Variants in GPSM2 observed in about 807,000 individuals in gnomAD.
The protein encoded by GPSM2 is G protein signaling modulator 2.
A neutral mutation model predicts 78.4 loss-of-function variants in GPSM2; 58 were observed. That is an observed-to-expected ratio of 0.74 (90% confidence interval 0.60 to 0.92). The LOEUF is 0.92. Ranked by LOEUF, GPSM2 falls within the 40% of genes least tolerant of loss-of-function variation. The pLI, the probability that GPSM2 is intolerant of heterozygous loss-of-function variation, is 0.00. For missense variants in GPSM2, 700 were observed against 815.5 expected, an observed-to-expected ratio of 0.86 and a Z score of 1.73; for synonymous variants, 224 against 280.2, an observed-to-expected ratio of 0.80 and a Z score of 2.00.
chr1:108,919,554 A>G (rs1003152840), intron 12 of GPSM2, among the ~76,000 whole-genome samples: 1 of 152,168 alleles, frequency 6.6e-6, no homozygotes, highest in African/African-American at 2.4e-5. Flanking sequence ...CCTGGGCAAC[A>G]TGGTGAAACT....
chr1:108,904,055 C>A, intron 9 of GPSM2, 70 bp from the exon 10 acceptor site: 2 of 1,059,434 alleles, frequency 1.9e-6, no homozygotes, highest in Non-Finnish European at 2.9e-6. Context: ...AGGTTCACTA[C>A]ATTTACAAAT....
chr1:108,896,777 C>A, intron 2 of GPSM2, 87 bp from the exon 3 acceptor site: 1 of 1,013,288 alleles, frequency 9.9e-7, no homozygotes, highest in Non-Finnish European at 1.6e-6. Flanking sequence ...ACAAGAGTAG[C>A]CGCTTAAATT....
chr1:108,889,728 T>A (rs888363719), intron 2 of GPSM2, among the ~76,000 whole-genome samples: 2 of 152,188 alleles, frequency 1.3e-5, no homozygotes, highest in Non-Finnish European at 2.9e-5. Flanking sequence ...ATTCTTCACC[T>A]CTTGGAACCC....
Position 108,924,057 on chromosome 1 carries a change from G to C in GPSM2, c.1658G>C (p.Ser553Thr). Residue 553 changes from serine to threonine, a missense_variant, in exon 14 of 15, where the codon AGC (serine) becomes ACC (threonine). By Grantham distance (58) the Ser-to-Thr change is moderately conservative (BLOSUM62 1). Coordinates refer to ENST00000264126, the MANE Select transcript of GPSM2 (RefSeq NM_013296.5). ...NTDEFLDLLA[S>T]SQSRRLDDQR... ...GATGAGTTTTTAGATCTTCTTGCCA[G>C]CTCACAGAGTCGCCGTCTGGATGAC... 6.2e-7 allele frequency: 1 copy of C among 1,613,648 alleles called. No homozygotes were observed. The highest frequency in any genetic ancestry group is 1.7e-4 in the Middle Eastern group (1 of 6,060).
chr1:108,909,031 C>A (rs867692962), intron 10 of GPSM2, among the ~76,000 whole-genome samples: 1 of 151,858 alleles, frequency 6.6e-6, no homozygotes, highest in South Asian at 2.1e-4. Context: ...CCCAGCTACT[C>A]GGGAAGCTGA....
rs1324114037 is a variant in GPSM2, at chr1:108,884,013, G to A, written c.-248-1262G>A. On this transcript the variant is annotated intron_variant, in intron 1 of 14. Transcript: ENST00000264126. ...TGCAACCTCCGCCTCCCGGGTTCAG[G>A]CTCACTGCAACCTCCACCTCCCGGG... Among the ~76,000 whole-genome samples, 16 of 151,974 alleles carry A rather than the reference G, an allele frequency of 1.1e-4. 1 individual carries two copies. Among genetic ancestry groups the A allele is most frequent in the East Asian group, 1.9e-4 (1 of 5,182 alleles).
At chr1:108,877,980 C>T (rs913807674) in intron 1 of GPSM2, among the ~76,000 whole-genome samples, 12 of 152,146 alleles carry the variant, frequency 7.9e-5, no homozygotes, top group African/African-American at 2.7e-4. Flanking sequence ...TAGAATTAAA[C>T]GAAGTAGGTT....
chr1:108,890,484 C>T (rs931980862), intron 2 of GPSM2, among the ~76,000 whole-genome samples: 1 of 152,152 alleles, frequency 6.6e-6, no homozygotes, highest in Non-Finnish European at 1.5e-5. Flanking sequence ...TAGGACTTCA[C>T]CAAGGGAAAC....
intron 14 of GPSM2, among the ~76,000 whole-genome samples, chr1:108,927,919 C>T (rs984392338): frequency 5.3e-5 from 8 of 152,090 alleles, no homozygotes; most frequent in Non-Finnish European, 1.0e-4. Flanking sequence ...GCCATGATCA[C>T]GTCACTGTGC....
chr1:108,922,951 C>T (rs1401037061), intron 13 of GPSM2, among the ~76,000 whole-genome samples: 4 of 151,986 alleles, frequency 2.6e-5, no homozygotes, highest in Admixed American at 6.6e-5. Flanking sequence ...GCAATGATCG[C>T]GTTTGTGAAT....
intron 2 of GPSM2, among the ~76,000 whole-genome samples, chr1:108,896,413 C>G (rs1273759265): frequency 6.6e-6 from 1 of 151,846 alleles, no homozygotes; most frequent in African/African-American, 2.4e-5. Context: ...GCTGGATGGT[C>G]AGAGGGGCTG....
In GPSM2 at chr1:108,931,392, G is replaced by C; in HGVS notation, c.*1452G>C. 5 of 1,551,120 alleles carry C rather than the reference G, an allele frequency of 3.2e-6. No individual in the cohort carries two copies. In the South Asian group the frequency reaches 5.9e-5, roughly 18 times the overall value. On this transcript the variant is annotated 3_prime_UTR_variant, in exon 15 of 15. Coordinates refer to ENST00000264126, the MANE Select transcript of GPSM2 (RefSeq NM_013296.5). ...AAAAGACAAGTATGGGACAGACTGGGACCTGGAGTAACACTGGATCACAGA... is the reference window on the plus strand; with the variant it reads ...AAAAGACAAGTATGGGACAGACTGGCACCTGGAGTAACACTGGATCACAGA...
intron 8 of GPSM2, 56 bp from the exon 9 acceptor site, chr1:108,903,070 C>G: frequency 9.7e-7 from 1 of 1,032,946 alleles, no homozygotes; most frequent in East Asian, 2.4e-5. Context: ...AGCTTTTATT[C>G]TATACATAGG....
In GPSM2 at chr1:108,877,156, C is replaced by G. The variant is rs1343356923; in HGVS notation, c.-321C>G. 6.6e-6 allele frequency: 1 copy of G among 152,196 alleles called. No homozygotes were observed. The highest frequency in any genetic ancestry group is 2.4e-5 in the African/African-American group (1 of 41,444). The allele number at this position is 152,196 out of a possible 1,614,324, so 9.4% of individuals were successfully genotyped here. On this transcript the variant is annotated 5_prime_UTR_variant, in exon 1 of 15. Coordinates refer to ENST00000264126, the MANE Select transcript of GPSM2 (RefSeq NM_013296.5). ...CCCCTGCCTTGGGGAGGGGCCGTGA[C>G]CACCCGTCTGTCGCCCGAGGCGGCC...
chr1:108,898,117 T>TA lies in GPSM2; in HGVS notation c.557+17dup, dbSNP rs1423876156. 2 of 1,611,550 alleles carry TA rather than the reference T, an allele frequency of 1.2e-6. No homozygotes were observed. The highest frequency in any genetic ancestry group is 1.7e-6 in the Non-Finnish European group (2 of 1,177,668). ...ATTTTTATGAGTGAGTAGGGGCTGATATGGGCAGTCATGTAGGCCCATCTA... is the reference window on the plus strand; with the variant it reads ...ATTTTTATGAGTGAGTAGGGGCTGATAATGGGCAGTCATGTAGGCCCATCTA... On this transcript the variant is annotated intron_variant, in intron 5 of 14. Transcript: ENST00000264126.
Position 108,901,816 on chromosome 1 carries a change from T to A in GPSM2, c.824T>A (p.Leu275His). 5 of 1,612,420 alleles carry A rather than the reference T, an allele frequency of 3.1e-6. No individual in the cohort carries two copies. The highest frequency in any genetic ancestry group is 4.2e-6 in the Non-Finnish European group (5 of 1,178,450). Residue 275 changes from leucine (L) to histidine (H), a missense_variant, in exon 8 of 15, where the codon CTT becomes CAT. Leu to His is a moderately conservative substitution (Grantham distance 99). Coordinates refer to ENST00000264126, the MANE Select transcript of GPSM2 (RefSeq NM_013296.5). Reference sequence around the variant, plus strand: ...AAGACACTACTGTTGGCCCGACAGCTTAAAGACCGAGCTGTAGAAGCACAG... The same window carrying A: ...AAGACACTACTGTTGGCCCGACAGCATAAAGACCGAGCTGTAGAAGCACAG... ...YKKTLLLARQLKDRAVEAQSC... is the reference protein window; with the variant it reads ...YKKTLLLARQHKDRAVEAQSC...
chr1:108,909,008 A>G (rs1340055927), intron 10 of GPSM2, among the ~76,000 whole-genome samples: 4 of 151,890 alleles, frequency 2.6e-5, no homozygotes, highest in Non-Finnish European at 5.9e-5. Context: ...GCATGGTAGC[A>G]TGAGCCTGTG....
Position 108,933,607 on chromosome 1 carries a change from A to C in GPSM2, c.*3667A>C, listed in dbSNP as rs1010564703. On this transcript the variant is annotated 3_prime_UTR_variant, in exon 15 of 15. Transcript: ENST00000264126. ...GGTATCACTTTTAGTAAGCAGTTGAACATAACTTGTAGTGTGAATATGGTT... is the reference window on the plus strand; with the variant it reads ...GGTATCACTTTTAGTAAGCAGTTGACCATAACTTGTAGTGTGAATATGGTT... 6.6e-5 allele frequency: 10 copies of C among 152,266 alleles called. 1 individual carries two copies. The East Asian group carries it at 1.7e-3, about 26-fold the overall frequency. The allele number at this position is 152,266 out of a possible 1,614,324, so 9.4% of individuals were successfully genotyped here. A position where few individuals can be genotyped will look rare whatever the true frequency, so the allele number is the denominator to read the frequency against.
At chr1:108,908,630 G>A (rs1344110673) in intron 10 of GPSM2, among the ~76,000 whole-genome samples, 1 of 148,544 alleles carries the variant, frequency 6.7e-6, no homozygotes, top group Non-Finnish European at 1.5e-5. Context: ...AGCCGAGATC[G>A]CGCCACTGCA....
Sources: gnomAD v4.1 joint callset for allele counts (sites outside exome capture counted in the v4.1 genomes callset) on GRCh38, gnomAD v4.1.1 for gene constraint, MANE v1.5 for transcripts, NCBI Gene and HGNC (gene_info 2026-07-23, HGNC 2026-07-21) for gene names.